Variants in PRH1 observed in about 807,000 individuals in gnomAD.
PRH1 encodes the protein proline rich protein HaeIII subfamily 1.
PRH1 carries 7 observed loss-of-function variants against 7.9 expected under a neutral mutation model. That is an observed-to-expected ratio of 0.89 (90% CI 0.50 to 1.67). PRH1 has a LOEUF of 1.67. PRH1 is among the 40% of genes most tolerant of loss of function. PRH1 has a pLI of 0.00. For synonymous variants in PRH1, 45 were observed against 80.8 expected (o/e 0.56, Z 2.38); for missense variants, 109 against 223.6 (o/e 0.49, Z 3.27).
intron 2 of PRH1, among the ~76,000 whole-genome samples, chr12:10,930,490 C>T (rs1950189468): frequency 6.6e-6 from 1 of 152,112 alleles, no homozygotes; most frequent in Non-Finnish European, 1.5e-5. Context: ...TTTTCACCAC[C>T]CTAATGTGGA....
chr12:10,975,314 C>T (rs892606964), intron 1 of PRH1, among the ~76,000 whole-genome samples: 4 of 152,144 alleles, frequency 2.6e-5, no homozygotes, highest in African/African-American at 7.2e-5. Flanking sequence ...AATTTCGTAT[C>T]CACCCAAACT....
At chr12:11,044,047 C>T (rs1357646480) in intron 1 of PRH1, among the ~76,000 whole-genome samples, 2 of 152,124 alleles carry the variant, frequency 1.3e-5, no homozygotes, top group Non-Finnish European at 2.9e-5. Flanking sequence ...TATTATACTA[C>T]AGAGGCTGTA....
chr12:10,935,279 G>T (rs1033314830), intron 2 of PRH1, among the ~76,000 whole-genome samples: 2 of 151,946 alleles, frequency 1.3e-5, no homozygotes, highest in African/African-American at 4.8e-5. Context: ...CAAAATCTTC[G>T]ATTTTCTAAT....
At chr12:10,997,954 T>A in intron 1 of PRH1, 1 of 815,304 alleles carries the variant, frequency 1.2e-6, no homozygotes, top group Non-Finnish European at 1.9e-6. Context: ...GACTTTAAGT[T>A]AAATATGCAC....
At chr12:11,019,881 G>C (rs562433266) in intron 1 of PRH1, among the ~76,000 whole-genome samples, 2 of 152,282 alleles carry the variant, frequency 1.3e-5, no homozygotes, top group East Asian at 3.8e-4. Flanking sequence ...CATGGGGTCT[G>C]CTAGCCCCGA....
intron 2 of PRH1, among the ~76,000 whole-genome samples, chr12:10,971,678 C>G (rs919101226): frequency 6.6e-6 from 1 of 152,046 alleles, no homozygotes; most frequent in Admixed American, 6.5e-5. Context: ...TTAATTTATA[C>G]TTCTAGGAGC....
chr12:10,990,593 C>G (rs1420678450), intron 1 of PRH1, among the ~76,000 whole-genome samples: 1 of 152,182 alleles, frequency 6.6e-6, no homozygotes, highest in African/African-American at 2.4e-5. Context: ...ACTGAAAAAT[C>G]TAAAGCTGAA....
chr12:11,020,215 C>T (rs1941529711), intron 1 of PRH1, among the ~76,000 whole-genome samples: 2 of 152,358 alleles, frequency 1.3e-5, no homozygotes, highest in East Asian at 3.9e-4. Context: ...TCCATTTATC[C>T]AATCACTTAT....
At chr12:11,007,874 T>C (rs1940898729) in intron 1 of PRH1, among the ~76,000 whole-genome samples, 1 of 152,068 alleles carries the variant, frequency 6.6e-6, no homozygotes, top group African/African-American at 2.4e-5. Context: ...ACCAGAGTGA[T>C]CCACCCAAAC....
chr12:11,004,487 G>A (rs1287547711), intron 1 of PRH1, among the ~76,000 whole-genome samples: 2 of 151,950 alleles, frequency 1.3e-5, no homozygotes, highest in Admixed American at 6.6e-5. Flanking sequence ...CCTAGACCAC[G>A]AAGTGAGACT....
intron 1 of PRH1, among the ~76,000 whole-genome samples, chr12:10,976,861 C>T (rs1345153769): frequency 6.6e-6 from 1 of 151,950 alleles, no homozygotes; most frequent in African/African-American, 2.4e-5. Flanking sequence ...CAAGACTGAA[C>T]TAAGAAGAAA....
chr12:11,139,913 G>A (rs1234883510), intron 1 of PRH1, among the ~76,000 whole-genome samples: 9 of 151,852 alleles, frequency 5.9e-5, no homozygotes, highest in South Asian at 2.1e-4. Context: ...AATAAGTAAC[G>A]TAAGAGTAAT....
Position 11,031,215 on chromosome 12 carries a change from T to A in PRH1, c.-126+15805A>T, listed in dbSNP as rs771871730. On this transcript the variant is annotated intron_variant, in intron 1 of 3. Coordinates refer to the PRH1 transcript ENST00000539853. Reference sequence around the variant, plus strand: ...GTGAGAATCTGGTCAGCAAAAGAGATCTTTTGTCTCTTGACCCGCTCAATG... The same window carrying A: ...GTGAGAATCTGGTCAGCAAAAGAGAACTTTTGTCTCTTGACCCGCTCAATG... 20 of 1,614,102 alleles carry A rather than the reference T, an allele frequency of 1.2e-5. No homozygotes were observed. The East Asian group carries it at 3.8e-4, about 31-fold the overall frequency.
At chr12:11,110,702 C>T (rs1197231278) in intron 1 of PRH1, among the ~76,000 whole-genome samples, 1 of 152,148 alleles carries the variant, frequency 6.6e-6, no homozygotes, top group African/African-American at 2.4e-5. Flanking sequence ...CAGAAAAACA[C>T]CAAATTGTAA....
At chr12:11,102,548 G>T (rs1445220292) in intron 1 of PRH1, among the ~76,000 whole-genome samples, 3 of 152,124 alleles carry the variant, frequency 2.0e-5, no homozygotes, top group Non-Finnish European at 4.4e-5. Context: ...AATTCAGGAT[G>T]GATTAAAGAC....
chr12:11,073,890 C>T (rs1300322661), intron 1 of PRH1, among the ~76,000 whole-genome samples: 1 of 152,006 alleles, frequency 6.6e-6, no homozygotes, highest in Non-Finnish European at 1.5e-5. Context: ...GGAGGAGTAT[C>T]TGCTGTCTGA....
chr12:11,007,639 C>A (rs2136034027), intron 1 of PRH1, among the ~76,000 whole-genome samples: 1 of 152,234 alleles, frequency 6.6e-6, no homozygotes, highest in Non-Finnish European at 1.5e-5. Flanking sequence ...TCTGAGCTCA[C>A]TCATGTAATT....
chr12:10,919,089 G>A (rs1950011779), intron 2 of PRH1, among the ~76,000 whole-genome samples: 1 of 151,904 alleles, frequency 6.6e-6, no homozygotes, highest in South Asian at 2.1e-4. Context: ...CTGTTTGATT[G>A]TTTACTTTTT....
At chr12:11,073,169 T>C (rs1944152577) in intron 1 of PRH1, among the ~76,000 whole-genome samples, 1 of 119,290 alleles carries the variant, frequency 8.4e-6, no homozygotes, top group Admixed American at 8.3e-5. Context: ...TCTTGCTCTG[T>C]TGCCCAGGCT....
Sources: gnomAD v4.1 joint callset for allele counts (sites outside exome capture counted in the v4.1 genomes callset) on GRCh38, gnomAD v4.1.1 for gene constraint, MANE v1.5 for transcripts, NCBI Gene and HGNC (gene_info 2026-07-23, HGNC 2026-07-21) for gene names.